Variants in CR2 observed in about 807,000 individuals in gnomAD.
CR2 encodes complement C3d receptor 2.
CR2 carries 96 observed loss-of-function variants against 123.0 expected under a neutral mutation model. That is an observed-to-expected ratio of 0.78 (90% CI 0.66 to 0.93). CR2 has a LOEUF of 0.93. CR2 is among the 40% of genes least tolerant of loss of function. The pLI is 0.00. For missense variants in CR2, 1,258 were observed against 1,361.0 expected, an observed-to-expected ratio of 0.92 and a Z score of 1.19; for synonymous variants, 484 against 469.5, an observed-to-expected ratio of 1.03 and a Z score of -0.40.
chr1:207,474,649 T>G (rs1297926847), intron 13 of CR2, among the ~76,000 whole-genome samples, 175 bp from the exon 14 acceptor site: 1 of 152,236 alleles, frequency 6.6e-6, no homozygotes, highest in Admixed American at 6.5e-5. Context: ...ATAGTACTCC[T>G]ATAATCACAT....
chr1:207,474,576 A>C lies in CR2; in HGVS notation c.2324-248A>C, dbSNP rs562173765. 1.6e-4 allele frequency among the ~76,000 whole-genome samples: 25 copies of C among 152,328 alleles called. No individual in the cohort carries two copies. In the South Asian group the frequency reaches 4.6e-3, roughly 28 times the overall value. ...ATAGCCCATATTCCTAGGTCATGGG[A>C]ACATAGCTGTATTTCTTTCTTCCTT... is the stretch of plus-strand genomic sequence containing the variant. On this transcript the variant is annotated intron_variant, in intron 13 of 19. Coordinates refer to ENST00000367057, the MANE Select transcript of CR2 (RefSeq NM_001006658.3).
At chr1:207,483,474 A>T (rs976539222) in intron 18 of CR2, among the ~76,000 whole-genome samples, 1 of 152,044 alleles carries the variant, frequency 6.6e-6, no homozygotes, top group East Asian at 1.9e-4. Context: ...CAGAGTGTGT[A>T]CCACACAACC....
intron 9 of CR2, 32 bp downstream of exon 9, chr1:207,471,531 T>G (rs1226427186): frequency 7.1e-7 from 1 of 1,412,028 alleles, no homozygotes; most frequent in Admixed American, 1.7e-5. Context: ...GGAGCTGAAA[T>G]AATGTGAGAT....
At chr1:207,483,787 G>T (rs1421928413) in intron 18 of CR2, among the ~76,000 whole-genome samples, 19 of 152,130 alleles carry the variant, frequency 1.2e-4, no homozygotes, top group Admixed American at 1.2e-3. Flanking sequence ...CTGGTACTTT[G>T]AGGTACTCAT....
chr1:207,473,684 T>G lies in CR2; in HGVS notation c.2118T>G (p.Pro706=). 2 of 1,614,046 alleles carry G rather than the reference T, an allele frequency of 1.2e-6. No homozygotes were observed. The highest frequency in any genetic ancestry group is 2.2e-5 in the South Asian group (2 of 91,088). The change falls in exon 11 of 20, where the codon CCT becomes CCG. Residue 706 remains proline, a synonymous_variant. Coordinates refer to ENST00000367057, the MANE Select transcript of CR2 (RefSeq NM_001006658.3). Reference sequence around the variant, plus strand: ...GAAACAAATCCATTCACTGTATGCCTTCAGGAAATTGGAGTCCTTCTGCCC... The same window carrying G: ...GAAACAAATCCATTCACTGTATGCCGTCAGGAAATTGGAGTCCTTCTGCCC... ...LVGNKSIHCM[P]SGNWSPSAPR... is the part of the protein sequence containing the mutation.
At chr1:207,469,001 C>A (rs544807460) in intron 4 of CR2, 102 bp downstream of exon 4, 4 of 1,414,876 alleles carry the variant, frequency 2.8e-6, no homozygotes, top group Admixed American at 1.7e-5. Context: ...GATCTCTGGG[C>A]AGTCTGGGGT....
intron 16 of CR2, among the ~76,000 whole-genome samples, chr1:207,478,550 AAG>A (rs1479812567): frequency 1.3e-5 from 2 of 149,676 alleles, no homozygotes; most frequent in African/African-American, 2.4e-5. Context: ...AAAAAAAAGA[AAG>A]AAAGAAATTA....
chr1:207,482,308 T>C (rs1658625837), intron 18 of CR2, among the ~76,000 whole-genome samples: 1 of 152,142 alleles, frequency 6.6e-6, no homozygotes, highest in South Asian at 2.1e-4. Flanking sequence ...TACTGAATAG[T>C]CTCTTCCACT....
At chr1:207,467,830 G>A (rs1658146644) in intron 2 of CR2, among the ~76,000 whole-genome samples, 1 of 152,138 alleles carries the variant, frequency 6.6e-6, no homozygotes, top group Non-Finnish European at 1.5e-5. Context: ...CTAAGTAGAG[G>A]AAGTAAGGCA....
In CR2 at chr1:207,468,506, T is replaced by C. The variant is rs758596478; in HGVS notation, c.446-21T>C. 3.2e-5 allele frequency: 51 copies of C among 1,613,374 alleles called. No homozygotes were observed. The East Asian group carries it at 1.1e-3, about 34-fold the overall frequency. Reference sequence around the variant, plus strand: ...GATGCATCATCTGACGGCTTTTTTTTCCTGGTATGTGTGTGTAAAGTTTTC... The same window carrying C: ...GATGCATCATCTGACGGCTTTTTTTCCCTGGTATGTGTGTGTAAAGTTTTC... On this transcript the variant is annotated intron_variant, in intron 2 of 19. Transcript: ENST00000367057.
chr1:207,466,645 GA>G lies in CR2; in HGVS notation c.184del (p.Ser62ValfsTer5), dbSNP rs1175677873. On this transcript the variant is annotated frameshift_variant, in exon 2 of 20. Coordinates refer to ENST00000367057, the MANE Select transcript of CR2 (RefSeq NM_001006658.3). LOFTEE classifies it high-confidence loss of function. ...SCSGTFRLIG[E>X]KSLLCITKDK... is the part of the protein sequence containing the mutation. Reference sequence around the variant, plus strand: ...TTCAGGTACCTTCCGCCTCATTGGAGAAAAAAGTCTATTATGCATAACTAAA... The same window carrying G: ...TTCAGGTACCTTCCGCCTCATTGGAGAAAAAGTCTATTATGCATAACTAAA... 2 of 1,613,950 alleles carry G rather than the reference GA, an allele frequency of 1.2e-6. No individual in the cohort carries two copies. The highest frequency in any genetic ancestry group is 1.7e-6 in the Non-Finnish European group (2 of 1,179,984).
intron 1 of CR2, among the ~76,000 whole-genome samples, chr1:207,463,537 C>A (rs952986103): frequency 1.3e-5 from 2 of 152,018 alleles, no homozygotes; most frequent in Non-Finnish European, 2.9e-5. Flanking sequence ...AATCTGTCAC[C>A]CCTGCTTGTC....
chr1:207,478,990 T>C (rs1658524834), intron 16 of CR2, among the ~76,000 whole-genome samples: 1 of 152,060 alleles, frequency 6.6e-6, no homozygotes. Flanking sequence ...GTTTTTGTTT[T>C]TGTTTTTGTT....
chr1:207,457,201 A>G (rs755942606), intron 1 of CR2, among the ~76,000 whole-genome samples: 3 of 152,222 alleles, frequency 2.0e-5, no homozygotes, highest in Non-Finnish European at 4.4e-5. Flanking sequence ...GTTCCTATCA[A>G]TAGCCTGTAA....
rs573346582 is a variant in CR2 at position 207,468,702 on chromosome 1, C to A, written c.621C>A (p.Pro207=). The A allele has an allele frequency of 6.2e-7, 1 of 1,613,976 alleles. No homozygotes were observed. ...CLSSGKWSAV[P]PTCEEARCKS... is the part of the protein sequence containing the mutation. Reference sequence around the variant, plus strand: ...CTTCGGGAAAATGGAGTGCTGTCCCCCCCACATGTGAAGGTACCCTAAATT... The same window carrying A: ...CTTCGGGAAAATGGAGTGCTGTCCCACCCACATGTGAAGGTACCCTAAATT... Residue 207 remains proline, a synonymous_variant, in exon 3 of 20, where the codon CCC becomes CCA. Coordinates refer to ENST00000367057, the MANE Select transcript of CR2 (RefSeq NM_001006658.3).
chr1:207,481,917 A>G (rs1228722859), intron 18 of CR2, among the ~76,000 whole-genome samples: 6 of 151,988 alleles, frequency 3.9e-5, no homozygotes, highest in Non-Finnish European at 8.8e-5. Context: ...ATTTTCTACC[A>G]ATTATTATTA....
chr1:207,479,447 C>T (rs568427086), intron 17 of CR2, among the ~76,000 whole-genome samples, 167 bp downstream of exon 17: 1 of 152,144 alleles, frequency 6.6e-6, no homozygotes, highest in Non-Finnish European at 1.5e-5. Context: ...CAAAATGTCA[C>T]TTTGGCATAG....
chr1:207,484,506 T>C (rs1658696061), intron 18 of CR2, among the ~76,000 whole-genome samples: 1 of 152,246 alleles, frequency 6.6e-6, no homozygotes, highest in African/African-American at 2.4e-5. Flanking sequence ...ATGCTATTCT[T>C]TTCTAGTCAT....
At position 207,469,701 on chromosome 1, in the gene CR2, T is replaced by C. The variant is rs376314088; in HGVS notation, c.824T>C (p.Phe275Ser). Residue 275 changes from phenylalanine to serine, a missense_variant, in exon 6 of 20, where the codon TTT (phenylalanine) becomes TCT (serine). Phe to Ser is a radical substitution (Grantham distance 155). Transcript: ENST00000367057. ...WTKMPVCEEI[F>S]CPSPPPILNG... ...CTTTCTGCAATTCCCCTAGAAATTT[T>C]TTGCCCATCACCTCCCCCTATTCTC... The C allele has an allele frequency of 8.1e-6, 13 of 1,613,608 alleles. No individual in the cohort carries two copies. The African/African-American group carries it at 1.7e-4, about 22-fold the overall frequency.
Sources: allele counts gnomAD v4.1 joint callset (sites outside exome capture counted in the v4.1 genomes callset), GRCh38; gene constraint gnomAD v4.1.1; transcripts MANE v1.5; gene names NCBI Gene and HGNC (gene_info 2026-07-23, HGNC 2026-07-21).